Variants in MAP3K20 observed in about 807,000 individuals in gnomAD.
MAP3K20 encodes the protein HCCS-4.
MAP3K20 carries 40 observed loss-of-function variants against 85.7 expected under a neutral mutation model. That is an observed-to-expected ratio of 0.47 (90% CI 0.36 to 0.61). The LOEUF (loss-of-function observed/expected upper bound fraction) is 0.61. Ranked by LOEUF, MAP3K20 falls within the 20% of genes least tolerant of loss-of-function variation. The probability of loss-of-function intolerance (pLI) is 0.00; values close to 1 mark genes in which losing one functional copy is unlikely to be tolerated. For synonymous variants in MAP3K20, 325 were observed against 327.7 expected, an observed-to-expected ratio of 0.99 and a Z score of 0.09; for missense variants, 817 against 961.7, an observed-to-expected ratio of 0.85 and a Z score of 1.99.
At chr2:173,148,430 A>G (rs1004417374) in intron 2 of MAP3K20, among the ~76,000 whole-genome samples, 3 of 152,116 alleles carry the variant, frequency 2.0e-5, no homozygotes, top group Non-Finnish European at 4.4e-5. Context: ...TTATTTTACT[A>G]TTCGAAAGGG....
At chr2:173,205,577 T>C (rs1683657904) in intron 9 of MAP3K20, among the ~76,000 whole-genome samples, 1 of 152,132 alleles carries the variant, frequency 6.6e-6, no homozygotes, top group Non-Finnish European at 1.5e-5. Context: ...CTCCACGTGC[T>C]CCTTCTTGGC....
At position 173,190,793 on chromosome 2, in the gene MAP3K20, C is replaced by A. The variant is rs1430965758; in HGVS notation, c.416-102C>A. ...ATACATTGATTTCACCTTTCATAAT[C>A]CCATATTGAAGACAGAAATAGAAGT... On this transcript the variant is annotated intron_variant, in intron 5 of 19. Coordinates refer to ENST00000375213, the MANE Select transcript of MAP3K20 (RefSeq NM_016653.3). The A allele has an allele frequency of 3.7e-6, 4 of 1,089,420 alleles. No homozygotes were observed. In the African/African-American group the frequency reaches 4.8e-5, roughly 13 times the overall value. 67.5% of individuals were successfully genotyped at this position (1,089,420 alleles called of 1,614,324 possible). A position where few individuals can be genotyped will look rare whatever the true frequency, so the allele number is the denominator to read the frequency against.
At chr2:173,141,031 A>AT (rs1688956182) in intron 2 of MAP3K20, among the ~76,000 whole-genome samples, 1 of 152,190 alleles carries the variant, frequency 6.6e-6, no homozygotes. Context: ...ATATGTATAT[A>AT]TATCATAAAA....
chr2:173,247,373 A>G (rs1184796022), intron 16 of MAP3K20, among the ~76,000 whole-genome samples: 2 of 151,278 alleles, frequency 1.3e-5, no homozygotes, highest in Non-Finnish European at 2.9e-5. Context: ...TTATAAATGG[A>G]TAGATAAACA....
chr2:173,243,922 G>A (rs1033357827), intron 16 of MAP3K20, among the ~76,000 whole-genome samples: 4 of 152,168 alleles, frequency 2.6e-5, no homozygotes, highest in Admixed American at 1.3e-4. Flanking sequence ...CACTGCGCCC[G>A]GCCCAGATTT....
intron 2 of MAP3K20, among the ~76,000 whole-genome samples, chr2:173,159,191 T>C (rs1275481534): frequency 2.0e-5 from 3 of 152,192 alleles, no homozygotes; most frequent in Non-Finnish European, 4.4e-5. Flanking sequence ...CCTTCATTAG[T>C]TCCAATTTGA....
chr2:173,232,376 AC>A lies in MAP3K20; in HGVS notation c.1121del (p.Thr374LysfsTer13). 6.2e-7 allele frequency: 1 copy of A among 1,614,252 alleles called. No individual in the cohort carries two copies. The highest frequency in any genetic ancestry group is 8.5e-7 in the Non-Finnish European group (1 of 1,180,040). On this transcript the variant is annotated frameshift_variant, in exon 14 of 20. Transcript: ENST00000375213. LOFTEE classifies it high-confidence loss of function. ...YASLFKENNI[T>X]GKRLLLLEEE... ...AAGCTTGTTTAAAGAAAACAACATT[AC>A]AGGGAAGCGGCTGCTGCTGCTGGAG...
intron 2 of MAP3K20, among the ~76,000 whole-genome samples, chr2:173,148,348 G>A (rs900136869): frequency 1.3e-5 from 2 of 152,150 alleles, no homozygotes; most frequent in Non-Finnish European, 2.9e-5. Flanking sequence ...CCACTTTCTG[G>A]TAAAATTTTA....
chr2:173,239,763 G>T (rs1684738274), intron 16 of MAP3K20, among the ~76,000 whole-genome samples: 1 of 148,860 alleles, frequency 6.7e-6, no homozygotes, highest in East Asian at 1.9e-4. Flanking sequence ...GGACAGGGAA[G>T]GGGGGCCGTG....
At position 173,121,398 on chromosome 2, in the gene MAP3K20, T is replaced by C. The variant is rs61706773; in HGVS notation, c.159+30208T>C. Reference sequence around the variant, plus strand: ...TACAGGCAGGGAAAGCAAATTCTTTTTGTTTTTGAGACGGACTCTTGCTCT... The same window carrying C: ...TACAGGCAGGGAAAGCAAATTCTTTCTGTTTTTGAGACGGACTCTTGCTCT... On this transcript the variant is annotated intron_variant, in intron 2 of 19. Transcript: ENST00000375213. Among the ~76,000 whole-genome samples, 1,216 of 152,254 alleles carry C rather than the reference T, an allele frequency of 8.0e-3. 14 individuals are homozygous for C. Among genetic ancestry groups the C allele is most frequent in the African/African-American group, 0.027 (1,138 of 41,552 alleles).
intron 17 of MAP3K20, among the ~76,000 whole-genome samples, chr2:173,259,226 G>A (rs914899571): frequency 6.6e-6 from 1 of 151,988 alleles, no homozygotes; most frequent in African/African-American, 2.4e-5. Context: ...CTGAGATGAG[G>A]TTAATTATGA....
intron 2 of MAP3K20, among the ~76,000 whole-genome samples, chr2:173,149,014 A>C (rs1304241135): frequency 6.6e-6 from 1 of 152,232 alleles, no homozygotes; most frequent in East Asian, 1.9e-4. Flanking sequence ...ATCTGTGGTC[A>C]TAGAAGGAAT....
intron 1 of MAP3K20, among the ~76,000 whole-genome samples, chr2:173,088,113 T>C (rs1019087368): frequency 2.0e-5 from 3 of 152,110 alleles, no homozygotes; most frequent in Non-Finnish European, 4.4e-5. Context: ...GAGAGGAGTT[T>C]TGCAGCTCGT....
At chr2:173,143,764 A>G (rs1428381268) in intron 2 of MAP3K20, among the ~76,000 whole-genome samples, 1 of 152,238 alleles carries the variant, frequency 6.6e-6, no homozygotes, top group African/African-American at 2.4e-5. Flanking sequence ...GATTGTTTAC[A>G]TAAAAAATTT....
chr2:173,230,678 A>G (rs1282146373), intron 12 of MAP3K20, among the ~76,000 whole-genome samples: 1 of 152,218 alleles, frequency 6.6e-6, no homozygotes, highest in East Asian at 1.9e-4. Flanking sequence ...TTTTAGTGAC[A>G]AAACAGGTAT....
At chr2:173,135,867 C>A (rs1211586931) in intron 2 of MAP3K20, among the ~76,000 whole-genome samples, 4 of 152,144 alleles carry the variant, frequency 2.6e-5, no homozygotes, top group East Asian at 1.9e-4. Flanking sequence ...TTTTTATTAA[C>A]CATGTATAAT....
At chr2:173,226,535 G>T (rs1684393427) in intron 11 of MAP3K20, 2 of 985,666 alleles carry the variant, frequency 2.0e-6, no homozygotes, top group African/African-American at 3.5e-5. Context: ...TAGCCTGACA[G>T]CTCTAGATAC....
At position 173,203,783 on chromosome 2, in the gene MAP3K20, CTG is replaced by C. The variant is rs750308672; in HGVS notation, c.670-11_670-10del. Reference sequence around the variant, plus strand: ...CTGTTTTATTTTGTTTTGTTTCCCTCTGTCTATTGTAGAGATTAACCATTCCA... The same window carrying C: ...CTGTTTTATTTTGTTTTGTTTCCCTCTCTATTGTAGAGATTAACCATTCCA... On this transcript the variant is annotated splice_polypyrimidine_tract_variant and intron_variant, in intron 8 of 19. Coordinates refer to ENST00000375213, the MANE Select transcript of MAP3K20 (RefSeq NM_016653.3). 3.1e-6 allele frequency: 5 copies of C among 1,601,614 alleles called. No homozygotes were observed. The South Asian group carries it at 5.5e-5, about 18-fold the overall frequency.
chr2:173,124,356 C>T (rs1156954327), intron 2 of MAP3K20, among the ~76,000 whole-genome samples: 2 of 152,162 alleles, frequency 1.3e-5, no homozygotes, highest in Non-Finnish European at 2.9e-5. Context: ...CAGCTACTAG[C>T]TCCAGGCCTG....
Sources: allele counts gnomAD v4.1 joint callset (sites outside exome capture counted in the v4.1 genomes callset), GRCh38; gene constraint gnomAD v4.1.1; transcripts MANE v1.5; gene names NCBI Gene and HGNC (gene_info 2026-07-23, HGNC 2026-07-21).